Variants in TEKT1 observed in about 807,000 individuals in gnomAD.
TEKT1 encodes tektin 1, also known as tektin-1.
A neutral mutation model predicts 34.8 loss-of-function variants in TEKT1; 32 were observed. That is an observed-to-expected ratio of 0.92 (90% CI 0.69 to 1.23). The LOEUF (loss-of-function observed/expected upper bound fraction) is 1.23. Among genes scored for constraint, TEKT1 ranks in the 50% most tolerant of loss-of-function variants. The pLI is 0.00. For missense variants in TEKT1, 492 were observed against 518.5 expected, an observed-to-expected ratio of 0.95 and a Z score of 0.50; for synonymous variants, 207 against 199.8, an observed-to-expected ratio of 1.04 and a Z score of -0.30.
intron 2 of TEKT1, among the ~76,000 whole-genome samples, chr17:6,828,958 C>A (rs1904486684): frequency 6.6e-6 from 1 of 151,942 alleles, no homozygotes; most frequent in Non-Finnish European, 1.5e-5. Context: ...CAAGACCAGC[C>A]TGGCCAACAT....
chr17:6,803,819 A>G (rs1976809943), intron 6 of TEKT1, among the ~76,000 whole-genome samples: 1 of 152,096 alleles, frequency 6.6e-6, no homozygotes, highest in South Asian at 2.1e-4. Context: ...ATTGGTCTAC[A>G]TCTCTGTTTT....
At chr17:6,801,223 A>T (rs1402079238) in intron 6 of TEKT1, among the ~76,000 whole-genome samples, 1 of 152,130 alleles carries the variant, frequency 6.6e-6, no homozygotes, top group Non-Finnish European at 1.5e-5. Flanking sequence ...CAGAGTGGGG[A>T]TCTCACTACT....
At chr17:6,809,327 G>A (rs1395720475) in intron 6 of TEKT1, among the ~76,000 whole-genome samples, 1 of 152,114 alleles carries the variant, frequency 6.6e-6, no homozygotes, top group African/African-American at 2.4e-5. Flanking sequence ...TGCCTCCTAG[G>A]TTCAAGCAAT....
In TEKT1 at chr17:6,800,820, C is replaced by G. The variant is rs373699525; in HGVS notation, c.976G>C (p.Val326Leu). ...RLETRTHRPN[V>L]ELCRDVAQYR... ...TGTGCGACATCACGACACAGCTCCA[C>G]GTTCGGCCGGTGTGTCCTGGTCTCC... Residue 326 changes from valine to leucine, a missense_variant, in exon 7 of 8, where the codon GTG (valine) becomes CTG (leucine). Val to Leu is a conservative substitution (Grantham distance 32, BLOSUM62 1). Transcript: ENST00000338694. The G allele has an allele frequency of 4.3e-6, 7 of 1,614,080 alleles. No homozygotes were observed. In the Admixed American group the frequency reaches 1.2e-4, roughly 27 times the overall value.
intron 3 of TEKT1, among the ~76,000 whole-genome samples, chr17:6,816,757 T>C (rs1977013355): frequency 6.6e-6 from 1 of 152,200 alleles, no homozygotes; most frequent in African/African-American, 2.4e-5. Context: ...AGTAATGGGA[T>C]TGCTGGGTCA....
Position 6,819,241 on chromosome 17 carries a change from T to C in TEKT1, c.308A>G (p.Glu103Gly). Residue 103 changes from glutamate to glycine, a missense_variant, in exon 3 of 8, where the codon GAG (glutamate) becomes GGG (glycine). Transcript: ENST00000338694. ...GATGTGCAAGGGCTCTTTCAAGGTCTCCAGGGCTTTTTCCAATCTGATCTT... is the reference window on the plus strand; with the variant it reads ...GATGTGCAAGGGCTCTTTCAAGGTCCCCAGGGCTTTTTCCAATCTGATCTT... ...IYKIRLEKAL[E>G]TLKEPLHITE... 1 of 1,614,084 alleles carries C rather than the reference T, an allele frequency of 6.2e-7. No individual in the cohort carries two copies. The highest frequency in any genetic ancestry group is 8.5e-7 in the Non-Finnish European group (1 of 1,179,994).
chr17:6,811,731 T>C lies in TEKT1; in HGVS notation c.852+1100A>G, dbSNP rs1185676441. On this transcript the variant is annotated intron_variant, in intron 6 of 7. Coordinates refer to ENST00000338694, the MANE Select transcript of TEKT1 (RefSeq NM_053285.2). This position sits in a 1 kb window ranked among gnomAD's most constrained non-coding sequence, Gnocchi z 4.4. ...GAAGGCCTGGGCTCCACTCCCACCG[T>C]GCCGCCTTGGGGCCCTTCCCCTCTC... Among the ~76,000 whole-genome samples the C allele has an allele frequency of 1.3e-5, 2 of 152,164 alleles. No homozygotes were observed. Among genetic ancestry groups the C allele is most frequent in the Non-Finnish European group, 2.9e-5 (2 of 68,028 alleles).
At chr17:6,806,075 T>C (rs1019935186) in intron 6 of TEKT1, among the ~76,000 whole-genome samples, 1 of 152,182 alleles carries the variant, frequency 6.6e-6, no homozygotes, top group Non-Finnish European at 1.5e-5. Flanking sequence ...GGTGGTAAAG[T>C]CTCCCATTAT....
intron 2 of TEKT1, among the ~76,000 whole-genome samples, chr17:6,824,905 C>T (rs1432126143): frequency 2.6e-5 from 4 of 152,146 alleles, no homozygotes; most frequent in Admixed American, 6.5e-5. Flanking sequence ...AAGTAGTTCT[C>T]TATTTTCCCA....
intron 2 of TEKT1, among the ~76,000 whole-genome samples, chr17:6,827,340 C>T (rs1159006221): frequency 1.3e-5 from 2 of 149,714 alleles, no homozygotes; most frequent in Non-Finnish European, 3.0e-5. Context: ...CGGCTCACTG[C>T]AACCTCCGCC....
intron 4 of TEKT1, among the ~76,000 whole-genome samples, 164 bp downstream of exon 4, chr17:6,815,670 T>A (rs899938676): frequency 1.3e-5 from 2 of 152,166 alleles, no homozygotes; most frequent in African/African-American, 2.4e-5. Context: ...GTATGAGGGA[T>A]GTGGCCAGCT....
At chr17:6,817,987 A>G (rs1224802327) in intron 3 of TEKT1, among the ~76,000 whole-genome samples, 2 of 152,038 alleles carry the variant, frequency 1.3e-5, no homozygotes, top group Non-Finnish European at 2.9e-5. Flanking sequence ...GGCTGGGGAG[A>G]CTGCTGCCTG....
intron 6 of TEKT1, among the ~76,000 whole-genome samples, chr17:6,801,237 C>G (rs1162061683): frequency 1.3e-5 from 2 of 152,214 alleles, no homozygotes; most frequent in South Asian, 2.1e-4. Context: ...CACTACTGCT[C>G]AAAGCTGCCT....
chr17:6,827,347 C>T (rs1006222249), intron 2 of TEKT1, among the ~76,000 whole-genome samples: 9 of 151,092 alleles, frequency 6.0e-5, no homozygotes, highest in African/African-American at 2.2e-4. Flanking sequence ...CTGCAACCTC[C>T]GCCTCCCGGG....
intron 4 of TEKT1, 32 bp downstream of exon 4, chr17:6,815,802 G>A (rs991890944): frequency 1.2e-6 from 2 of 1,612,150 alleles, no homozygotes; most frequent in Non-Finnish European, 8.5e-7. Context: ...AATTCCCAGT[G>A]GAGATTTGGA....
chr17:6,806,922 T>C (rs966062568), intron 6 of TEKT1, among the ~76,000 whole-genome samples: 1 of 152,146 alleles, frequency 6.6e-6, no homozygotes, highest in African/African-American at 2.4e-5. Context: ...ATTTCAACTT[T>C]GGTGAATCTG....
Position 6,800,149 on chromosome 17 carries a change from T to G in TEKT1, c.1135A>C (p.Lys379Gln), listed in dbSNP as rs372714460. 16 of 1,614,234 alleles carry G rather than the reference T, an allele frequency of 9.9e-6. No homozygotes were observed. Among genetic ancestry groups the G allele is most frequent in the African/African-American group, 2.7e-5 (2 of 75,074 alleles). ...TCGTCGATATAAATGGTGTTCTCTT[T>G]GACCTGGATCTCCTCCTGCAGGGCA... ...QLALQEEIQV[K>Q]ENTIYIDEVL... is the part of the protein sequence containing the mutation. Residue 379 changes from lysine to glutamine, a missense_variant, in exon 8 of 8, where the codon AAA becomes CAA. Lys to Gln is a moderately conservative substitution (Grantham distance 53). Coordinates refer to ENST00000338694, the MANE Select transcript of TEKT1 (RefSeq NM_053285.2).
At chr17:6,813,767 G>A (rs1976961017) in intron 5 of TEKT1, among the ~76,000 whole-genome samples, 1 of 152,110 alleles carries the variant, frequency 6.6e-6, no homozygotes, top group African/African-American at 2.4e-5. Flanking sequence ...GCTTTGTTCA[G>A]TTTGTGATTA....
In TEKT1 at chr17:6,815,855, T is replaced by A; in HGVS notation, c.464A>T (p.Glu155Val). 6.2e-7 allele frequency: 1 copy of A among 1,614,192 alleles called. No individual in the cohort carries two copies. The highest frequency in any genetic ancestry group is 1.1e-5 in the South Asian group (1 of 91,084). ...GIMALLTRTL[E>V]EASEQIRMNR... The stretch of plus-strand genomic sequence containing the variant: ...ATACCGAATCTGCTCGGAAGCCTCC[T>A]CCAAGGTACGGGTCAGCAGAGCCAT... Residue 155 changes from glutamate (E) to valine (V), a missense_variant, in exon 4 of 8, where the codon GAG (glutamate) becomes GTG (valine). Physicochemically the swap from Glu to Val is moderately radical, Grantham distance 121 (BLOSUM62 -2). Coordinates refer to ENST00000338694, the MANE Select transcript of TEKT1 (RefSeq NM_053285.2).
Sources: allele counts gnomAD v4.1 joint callset (sites outside exome capture counted in the v4.1 genomes callset), GRCh38; gene constraint gnomAD v4.1.1; non-coding constraint Gnocchi (gnomAD v3.1); transcripts MANE v1.5; gene names NCBI Gene and HGNC (gene_info 2026-07-23, HGNC 2026-07-21).